The following PRKG1 variants were observed in gnomAD, a reference collection of about 807,000 sequenced individuals.
The protein encoded by PRKG1 is protein kinase cGMP-dependent 1.
Under a neutral mutation model 88.1 loss-of-function variants are expected in PRKG1, and 35 were observed. That is an observed-to-expected ratio of 0.40 (90% CI 0.30 to 0.53). PRKG1 has a LOEUF of 0.53. Among genes scored for constraint, PRKG1 ranks in the 20% least tolerant of loss-of-function variants. The pLI is 0.59. For missense variants in PRKG1, 540 were observed against 839.8 expected (o/e 0.64, Z 4.41); for synonymous variants, 303 against 292.5 (o/e 1.04, Z -0.37).
chr10:51,490,504 A>G (rs1303613972), intron 3 of PRKG1, among the ~76,000 whole-genome samples: 1 of 152,132 alleles, frequency 6.6e-6, no homozygotes, highest in Non-Finnish European at 1.5e-5. Context: ...CTCTTTGTTC[A>G]GTACTTTACA....
At chr10:51,389,897 G>C (rs1294045627) in intron 2 of PRKG1, among the ~76,000 whole-genome samples, 7 of 152,130 alleles carry the variant, frequency 4.6e-5, no homozygotes, top group Admixed American at 2.6e-4. Flanking sequence ...CCAGAAGGTT[G>C]CTTTGACTCT....
At chr10:52,180,569 G>T (rs1838991167) in intron 9 of PRKG1, among the ~76,000 whole-genome samples, 1 of 152,156 alleles carries the variant, frequency 6.6e-6, no homozygotes, top group Non-Finnish European at 1.5e-5. Flanking sequence ...TAGGATGTTG[G>T]TTTATAGGAG....
intron 2 of PRKG1, among the ~76,000 whole-genome samples, chr10:51,436,121 G>T (rs1401700282): frequency 1.3e-5 from 2 of 151,126 alleles, no homozygotes; most frequent in African/African-American, 2.4e-5. Flanking sequence ...TAAAACAAAG[G>T]CAATGATGCC....
upstream of PRKG1, among the ~76,000 whole-genome samples, chr10:51,070,288 T>A (rs1341194969): frequency 6.6e-6 from 1 of 152,182 alleles, no homozygotes. Context: ...ATACCTATCA[T>A]GCATTAAGAA....
At chr10:51,516,151 G>A (rs1412231193) in intron 3 of PRKG1, among the ~76,000 whole-genome samples, 1 of 152,146 alleles carries the variant, frequency 6.6e-6, no homozygotes, top group African/African-American at 2.4e-5. Context: ...GAATTTTATT[G>A]ATCTGTGAAA....
intron 3 of PRKG1, among the ~76,000 whole-genome samples, chr10:51,770,867 A>G (rs1460470083): frequency 6.6e-6 from 1 of 152,198 alleles, no homozygotes; most frequent in African/African-American, 2.4e-5. Context: ...GTTATTAGGC[A>G]ATAACTAGAG....
intron 3 of PRKG1, among the ~76,000 whole-genome samples, chr10:51,701,147 G>A (rs1052408960): frequency 2.3e-4 from 35 of 152,158 alleles, no homozygotes; most frequent in African/African-American, 7.7e-4. Context: ...TTTTTTAAAT[G>A]TGGCTATTAG....
At chr10:51,064,324 A>G (rs959334842) in intron 1 of PRKG1, among the ~76,000 whole-genome samples, 1 of 152,082 alleles carries the variant, frequency 6.6e-6, no homozygotes, top group Non-Finnish European at 1.5e-5. Context: ...TGCAATGCCA[A>G]GAGGGTTTTT....
At chr10:51,916,407 G>T (rs1323566278) in intron 5 of PRKG1, among the ~76,000 whole-genome samples, 1 of 152,198 alleles carries the variant, frequency 6.6e-6, no homozygotes, top group Non-Finnish European at 1.5e-5. Flanking sequence ...TGTAAAAACG[G>T]AAGGTATGAA....
intron 2 of PRKG1, among the ~76,000 whole-genome samples, chr10:51,444,667 A>G (rs1839218074): frequency 6.6e-6 from 1 of 151,964 alleles, no homozygotes; most frequent in South Asian, 2.1e-4. Flanking sequence ...TCTGATTGTA[A>G]TAGTAATTTC....
At chr10:51,581,324 G>A (rs967499774) in intron 3 of PRKG1, among the ~76,000 whole-genome samples, 8 of 152,090 alleles carry the variant, frequency 5.3e-5, no homozygotes, top group African/African-American at 1.9e-4. Flanking sequence ...AGCAAAAGCT[G>A]GTTACAAACA....
In PRKG1 at chr10:52,295,595, T is replaced by C. The variant is rs1842364089; in HGVS notation, c.*1695T>C. 6.6e-6 allele frequency: 1 copy of C among 152,002 alleles called. No homozygotes were observed. The highest frequency in any genetic ancestry group is 2.1e-4 in the South Asian group (1 of 4,828). 9.4% of individuals were successfully genotyped at this position (152,002 alleles called of 1,614,324 possible). On this transcript the variant is annotated 3_prime_UTR_variant, in exon 18 of 18. Transcript: ENST00000373980. ...TATAGAAGCTTTCAAGCTGTCATTCTGTTTTGGCCCTGTGTGAATTTGGTA... is the reference window on the plus strand; with the variant it reads ...TATAGAAGCTTTCAAGCTGTCATTCCGTTTTGGCCCTGTGTGAATTTGGTA...
chr10:51,505,105 G>T (rs186955381), intron 3 of PRKG1, among the ~76,000 whole-genome samples: 2,692 of 152,124 alleles, frequency 0.018, 60 homozygotes, highest in African/African-American at 0.046. Flanking sequence ...ATTAGCTGTG[G>T]GTTTGTCATA....
intron 4 of PRKG1, among the ~76,000 whole-genome samples, chr10:51,830,920 A>G (rs1301643157): frequency 2.6e-5 from 4 of 151,754 alleles, no homozygotes; most frequent in Admixed American, 6.6e-5. Context: ...CTGTGAGATC[A>G]TACGCTCAGG....
intron 9 of PRKG1, among the ~76,000 whole-genome samples, chr10:52,175,310 A>G (rs1413573423): frequency 1.3e-5 from 2 of 152,098 alleles, no homozygotes; most frequent in South Asian, 2.1e-4. Context: ...GCCACAAACA[A>G]CAGAATTCCA....
intron 3 of PRKG1, among the ~76,000 whole-genome samples, chr10:51,643,785 A>G (rs1360307693): frequency 6.6e-6 from 1 of 152,186 alleles, no homozygotes; most frequent in African/African-American, 2.4e-5. Context: ...ACAAAACAAA[A>G]CAAAAATACA....
At chr10:51,546,983 T>A (rs1483083347) in intron 3 of PRKG1, among the ~76,000 whole-genome samples, 3 of 152,142 alleles carry the variant, frequency 2.0e-5, no homozygotes. Flanking sequence ...GCAGTTCTAG[T>A]TGAACCTCCT....
intron 2 of PRKG1, among the ~76,000 whole-genome samples, chr10:51,340,543 T>G (rs1841982387): frequency 6.6e-6 from 1 of 152,186 alleles, no homozygotes; most frequent in Non-Finnish European, 1.5e-5. Flanking sequence ...TGCAAAGACT[T>G]AAAGCCATTT....
chr10:51,831,825 GC>G (rs1840012559), intron 4 of PRKG1, among the ~76,000 whole-genome samples: 1 of 152,098 alleles, frequency 6.6e-6, no homozygotes, highest in South Asian at 2.1e-4. Flanking sequence ...TCACCTTGTT[GC>G]AAAGGTAGGT....
Sources: allele counts gnomAD v4.1 joint callset (sites outside exome capture counted in the v4.1 genomes callset), GRCh38; gene constraint gnomAD v4.1.1; transcripts MANE v1.5; gene names NCBI Gene and HGNC (gene_info 2026-07-23, HGNC 2026-07-21).